Variants in MTHFD2L observed in about 807,000 individuals in gnomAD.
The protein encoded by MTHFD2L is methylenetetrahydrofolate dehydrogenase (NADP+ dependent) 2 like.
MTHFD2L carries 29 observed loss-of-function variants against 34.9 expected under a neutral mutation model. The observed-to-expected ratio is 0.83, with a 90% CI of 0.62 to 1.13. The LOEUF (loss-of-function observed/expected upper bound fraction) is 1.13. MTHFD2L is among the 50% of genes most tolerant of loss of function. The pLI, the probability that MTHFD2L is intolerant of heterozygous loss-of-function variation, is 0.00. For missense variants in MTHFD2L, 481 were observed against 446.5 expected, an observed-to-expected ratio of 1.08 and a Z score of -0.70; for synonymous variants, 167 against 155.7, an observed-to-expected ratio of 1.07 and a Z score of -0.54.
intron 1 of MTHFD2L, 23 bp downstream of exon 1, chr4:74,158,304 G>GT: frequency 7.9e-7 from 1 of 1,257,942 alleles, no homozygotes; most frequent in Non-Finnish European, 1.0e-6. Context: ...CGGGCGCCGG[G>GT]TGCGGAGCCG....
chr4:74,262,326 G>C (rs889408123), intron 6 of MTHFD2L, among the ~76,000 whole-genome samples: 2 of 151,758 alleles, frequency 1.3e-5, no homozygotes, highest in Admixed American at 1.3e-4. Context: ...TTTAGAGCAG[G>C]TAGGATTTTC....
At chr4:74,173,827 G>A (rs1282783957) in intron 1 of MTHFD2L, among the ~76,000 whole-genome samples, 1 of 152,092 alleles carries the variant, frequency 6.6e-6, no homozygotes, top group Non-Finnish European at 1.5e-5. Context: ...ACATAAATGT[G>A]TGTATATGTA....
At chr4:74,209,150 G>T (rs560959797) in intron 5 of MTHFD2L, among the ~76,000 whole-genome samples, 1 of 152,256 alleles carries the variant, frequency 6.6e-6, no homozygotes, top group Middle Eastern at 3.4e-3. Context: ...TTTGCACAGG[G>T]AGAGTGAGGC....
chr4:74,143,160 A>G (rs499451), intron 1 of MTHFD2L, among the ~76,000 whole-genome samples: 1,861 of 152,290 alleles, frequency 0.012, 34 homozygotes, highest in African/African-American at 0.042. Flanking sequence ...AAAAAAAACA[A>G]GCATCAACAG....
intron 3 of MTHFD2L, among the ~76,000 whole-genome samples, chr4:74,186,677 T>C (rs1360821115): frequency 6.6e-6 from 1 of 151,878 alleles, no homozygotes; most frequent in Non-Finnish European, 1.5e-5. Flanking sequence ...TGAGACAAAC[T>C]AAAGGAGGCC....
chr4:74,232,343 C>G (rs1740195612), intron 6 of MTHFD2L, among the ~76,000 whole-genome samples: 1 of 152,098 alleles, frequency 6.6e-6, no homozygotes, highest in Admixed American at 6.6e-5. Context: ...TTTGGAACAA[C>G]CTGACTTTGA....
chr4:74,225,280 T>C, intron 5 of MTHFD2L, 22 bp from the exon 6 acceptor site: 1 of 1,583,328 alleles, frequency 6.3e-7, no homozygotes, highest in Non-Finnish European at 8.6e-7. Context: ...TAATCACTGA[T>C]AGAAATTCTT....
intron 5 of MTHFD2L, among the ~76,000 whole-genome samples, chr4:74,212,620 G>T (rs1736525565): frequency 1.3e-5 from 2 of 152,026 alleles, no homozygotes; most frequent in South Asian, 4.2e-4. Context: ...CCAATTATGT[G>T]CTCAATTTTA....
intron 4 of MTHFD2L, among the ~76,000 whole-genome samples, chr4:74,200,147 C>A (rs368053428): frequency 2.6e-5 from 4 of 152,008 alleles, no homozygotes; most frequent in East Asian, 3.9e-4. Context: ...CCTGTCTCTA[C>A]TAAAAATACA....
chr4:74,139,226 A>G (rs1723138516), intron 1 of MTHFD2L, among the ~76,000 whole-genome samples: 1 of 152,182 alleles, frequency 6.6e-6, no homozygotes, highest in Admixed American at 6.5e-5. Flanking sequence ...CTAGAAAAAG[A>G]TTAGGAGGAC....
chr4:74,166,108 A>C (rs1560433873), intron 1 of MTHFD2L, among the ~76,000 whole-genome samples: 1 of 152,246 alleles, frequency 6.6e-6, no homozygotes, highest in African/African-American at 2.4e-5. Flanking sequence ...TAAAATTGCT[A>C]TTATAGATGT....
At chr4:74,177,919 C>T (rs1729362223) in intron 3 of MTHFD2L, among the ~76,000 whole-genome samples, 1 of 151,856 alleles carries the variant, frequency 6.6e-6, no homozygotes. Context: ...TAAGAATCAA[C>T]TTTTTAAAAG....
intron 6 of MTHFD2L, among the ~76,000 whole-genome samples, chr4:74,255,427 G>T (rs1333807656): frequency 6.6e-6 from 1 of 152,028 alleles, no homozygotes; most frequent in African/African-American, 2.4e-5. Flanking sequence ...AGAGGAAAAT[G>T]GAGAAAGAAG....
chr4:74,240,907 T>C (rs886483285), intron 6 of MTHFD2L, among the ~76,000 whole-genome samples: 1 of 152,196 alleles, frequency 6.6e-6, no homozygotes, highest in African/African-American at 2.4e-5. Flanking sequence ...CTTTAATTAT[T>C]TGGCTTTTCC....
chr4:74,122,272 G>A (rs183153048), upstream of MTHFD2L, among the ~76,000 whole-genome samples: 1 of 152,306 alleles, frequency 6.6e-6, no homozygotes, highest in African/African-American at 2.4e-5. Flanking sequence ...AGGCTGTACA[G>A]GAAGCATGGC....
intron 1 of MTHFD2L, among the ~76,000 whole-genome samples, chr4:74,158,867 C>CTT (rs1724780117): frequency 6.6e-6 from 1 of 152,170 alleles, no homozygotes; most frequent in African/African-American, 2.4e-5. Flanking sequence ...CTGGCAAGAA[C>CTT]CATGCAAATA....
chr4:74,251,250 A>G (rs1376848889), intron 6 of MTHFD2L, among the ~76,000 whole-genome samples: 1 of 152,218 alleles, frequency 6.6e-6, no homozygotes, highest in Non-Finnish European at 1.5e-5. Context: ...AGTGTAATGC[A>G]AAACTTGCGG....
chr4:74,259,462 C>T (rs1176990275), intron 6 of MTHFD2L, among the ~76,000 whole-genome samples: 2 of 152,148 alleles, frequency 1.3e-5, no homozygotes, highest in Non-Finnish European at 2.9e-5. Flanking sequence ...GAACTAGTAA[C>T]AGGATTATCA....
intron 7 of MTHFD2L, among the ~76,000 whole-genome samples, chr4:74,299,703 T>C (rs1750054041): frequency 2.6e-5 from 4 of 152,042 alleles, no homozygotes; most frequent in Admixed American, 2.6e-4. Context: ...TTAAGTTCAC[T>C]TTCTCAAAAT....
Sources: allele counts gnomAD v4.1 joint callset (sites outside exome capture counted in the v4.1 genomes callset), GRCh38; gene constraint gnomAD v4.1.1; transcripts MANE v1.5; gene names NCBI Gene and HGNC (gene_info 2026-07-23, HGNC 2026-07-21).